Variants in DGCR2 observed in about 807,000 individuals in gnomAD.
DGCR2 encodes integral membrane protein DGCR2/IDD.
In DGCR2, 24 loss-of-function variants were observed where a neutral mutation model predicts 51.6. The observed-to-expected ratio is 0.47, with a 90% CI of 0.34 to 0.65. The LOEUF (loss-of-function observed/expected upper bound fraction) is 0.65. DGCR2 is among the 30% of genes least tolerant of loss of function. The pLI, the probability that DGCR2 is intolerant of heterozygous loss-of-function variation, is 0.01. For missense variants in DGCR2, 765 were observed against 772.1 expected, an observed-to-expected ratio of 0.99 and a Z score of 0.11; for synonymous variants, 340 against 315.4, an observed-to-expected ratio of 1.08 and a Z score of -0.82.
chr22:19,111,867 T>A (rs2083319095), intron 1 of DGCR2, among the ~76,000 whole-genome samples: 1 of 151,466 alleles, frequency 6.6e-6, no homozygotes, highest in African/African-American at 2.4e-5. Context: ...TTTATTTTTT[T>A]TTGTCTCCAG....
In DGCR2 at chr22:19,063,244, G is replaced by A. The variant is rs760723127; in HGVS notation, c.583C>T (p.Arg195Trp). 2.0e-5 allele frequency: 32 copies of A among 1,614,040 alleles called. No individual in the cohort carries two copies. Among genetic ancestry groups the A allele is most frequent in the Admixed American group, 8.3e-5 (5 of 59,996 alleles). Residue 195 changes from arginine (R) to tryptophan (W), a missense_variant, in exon 5 of 10, where the codon CGG (arginine) becomes TGG (tryptophan). Transcript: ENST00000263196. Reference sequence around the variant, plus strand: ...CAGCGACCTTCCAAGGAGCGGTTCCGGCCAGTGATAACATACTGATAGCCA... The same window carrying A: ...CAGCGACCTTCCAAGGAGCGGTTCCAGCCAGTGATAACATACTGATAGCCA... Reference protein sequence around the residue: ...WVGYQYVITGRNRSLEGRWEV... With the variant: ...WVGYQYVITGWNRSLEGRWEV...
intron 2 of DGCR2, among the ~76,000 whole-genome samples, chr22:19,074,343 T>C: frequency 6.6e-6 from 1 of 150,626 alleles, no homozygotes; most frequent in Non-Finnish European, 1.5e-5. Flanking sequence ...GAAGAATCGA[T>C]TGAGCCTAGG....
chr22:19,073,467 G>T (rs1269241994), intron 2 of DGCR2, among the ~76,000 whole-genome samples: 1 of 152,146 alleles, frequency 6.6e-6, no homozygotes, highest in East Asian at 1.9e-4. Context: ...AAACAGAATA[G>T]AACAGAGAAC....
intron 2 of DGCR2, among the ~76,000 whole-genome samples, chr22:19,075,319 C>T (rs1321766847): frequency 7.2e-5 from 11 of 152,018 alleles, no homozygotes; most frequent in Admixed American, 6.6e-4. Flanking sequence ...TGGTGGTGGA[C>T]GCCTGTAGTC....
chr22:19,089,284 C>A (rs73158837), intron 2 of DGCR2, 84 bp downstream of exon 2: 258,120 of 1,430,066 alleles, frequency 0.18, 25,146 homozygotes, highest in South Asian at 0.27. Context: ...ACAGCACACA[C>A]CTCCACCCCT....
At chr22:19,099,623 G>A (rs1260199011) in intron 1 of DGCR2, among the ~76,000 whole-genome samples, 9 of 152,002 alleles carry the variant, frequency 5.9e-5, no homozygotes, top group Admixed American at 5.2e-4. Flanking sequence ...ATCCTCCACA[G>A]TCTCTCTGTA....
chr22:19,045,900 G>T (rs1348483344), intron 7 of DGCR2, among the ~76,000 whole-genome samples: 2 of 152,072 alleles, frequency 1.3e-5, no homozygotes, highest in Non-Finnish European at 2.9e-5. Flanking sequence ...CTAATTTTTT[G>T]TATTTTTTGT....
chr22:19,102,296 T>C (rs1437052177), intron 1 of DGCR2, among the ~76,000 whole-genome samples: 1 of 152,206 alleles, frequency 6.6e-6, no homozygotes, highest in African/African-American at 2.4e-5. Context: ...TATTGTCTAA[T>C]GGGTATAGTT....
intron 1 of DGCR2, among the ~76,000 whole-genome samples, chr22:19,119,885 G>C (rs535509743): frequency 6.6e-6 from 1 of 152,188 alleles, no homozygotes; most frequent in South Asian, 2.1e-4. Context: ...CACCAGGCAG[G>C]AGTCAGAAAA....
chr22:19,093,250 C>T (rs1000352758), intron 1 of DGCR2, among the ~76,000 whole-genome samples: 1 of 151,822 alleles, frequency 6.6e-6, no homozygotes, highest in Admixed American at 6.6e-5. Context: ...ATCCCAGCTA[C>T]TCGGGAGGCT....
At chr22:19,062,111 C>CT (rs1335887409) in intron 5 of DGCR2, among the ~76,000 whole-genome samples, 1 of 152,326 alleles carries the variant, frequency 6.6e-6, no homozygotes, top group Non-Finnish European at 1.5e-5. Flanking sequence ...ATGAGGCAAA[C>CT]TTTGACTCTG....
At chr22:19,039,178 C>T in intron 9 of DGCR2, 57 bp from the exon 10 acceptor site, 3 of 1,598,038 alleles carry the variant, frequency 1.9e-6, no homozygotes, top group Non-Finnish European at 2.6e-6. Context: ...ACAGGGGATG[C>T]AGGGGAGCTA....
rs1373467593 is a variant in DGCR2, at chr22:19,041,805, A to G, written c.1159+2T>C. On this transcript the variant is annotated splice_donor_variant, in intron 8 of 9. Coordinates refer to ENST00000263196, the MANE Select transcript of DGCR2 (RefSeq NM_005137.3). LOFTEE classifies it high-confidence loss of function. ...GGGTTGTGGCCCTCAGAGGGCACTTACAGTTTGCTCCAATCAGGGACTCGA... is the reference window on the plus strand; with the variant it reads ...GGGTTGTGGCCCTCAGAGGGCACTTGCAGTTTGCTCCAATCAGGGACTCGA... The G allele has an allele frequency of 1.9e-6, 3 of 1,611,304 alleles. No individual in the cohort carries two copies. The highest frequency in any genetic ancestry group is 2.5e-6 in the Non-Finnish European group (3 of 1,179,490).
intron 1 of DGCR2, among the ~76,000 whole-genome samples, chr22:19,117,949 T>G (rs2083390727): frequency 6.6e-6 from 1 of 152,210 alleles, no homozygotes; most frequent in Non-Finnish European, 1.5e-5. Flanking sequence ...TCAGGAGGAT[T>G]TGGCAAGGCT....
chr22:19,073,431 G>C (rs1162015460), intron 2 of DGCR2, among the ~76,000 whole-genome samples: 3 of 152,148 alleles, frequency 2.0e-5, no homozygotes, highest in Non-Finnish European at 2.9e-5. Flanking sequence ...ATAATAAAGA[G>C]TTCCAGAAAA....
chr22:19,100,612 G>C (rs2083190976), intron 1 of DGCR2, among the ~76,000 whole-genome samples: 1 of 150,122 alleles, frequency 6.7e-6, no homozygotes, highest in South Asian at 2.1e-4. Flanking sequence ...GTTGCAGTGA[G>C]CCAAGATCGT....
rs760592407 is a variant in DGCR2 at position 19,038,951 on chromosome 22, G to A, written c.1567C>T (p.Pro523Ser). The change falls in exon 10 of 10, where the codon CCT (proline) becomes TCT (serine). Residue 523 changes from proline (P) to serine (S), a missense_variant. Around this residue, in one of 3 missense-constraint regions of DGCR2, gnomAD observed 205 missense variants for 181.4 expected, o/e 1.13. Coordinates refer to ENST00000263196, the MANE Select transcript of DGCR2 (RefSeq NM_005137.3). ...SSSALLVPPD[P>S]AQSGSTPAAE... ...GCTGGGGTGCTCCCGCTCTGGGCAG[G>A]GTCAGGGGGCACGAGCAGGGCGCTG... 1.9e-6 allele frequency: 3 copies of A among 1,612,398 alleles called. No homozygotes were observed. Among genetic ancestry groups the A allele is most frequent in the Non-Finnish European group, 1.7e-6 (2 of 1,179,706 alleles).
intron 1 of DGCR2, among the ~76,000 whole-genome samples, chr22:19,090,722 A>G (rs2083068826): frequency 6.6e-6 from 1 of 152,214 alleles, no homozygotes; most frequent in Admixed American, 6.5e-5. Context: ...GTAGTCTATG[A>G]TAAGTTAATG....
At chr22:19,068,296 C>T in intron 2 of DGCR2, 71 bp from the exon 3 acceptor site, 1 of 1,458,024 alleles carries the variant, frequency 6.9e-7, no homozygotes, top group Non-Finnish European at 9.1e-7. Flanking sequence ...CAGCATGGTT[C>T]AGACCACTCA....
Sources: gnomAD v4.1 joint callset for allele counts (sites outside exome capture counted in the v4.1 genomes callset) on GRCh38, gnomAD v4.1.1 for gene constraint, gnomAD v4.1.1 regional missense constraint, MANE v1.5 for transcripts, NCBI Gene and HGNC (gene_info 2026-07-23, HGNC 2026-07-21) for gene names.